Variants in C5orf15 observed in about 807,000 individuals in gnomAD.
The protein encoded by C5orf15 is keratinocyte-associated transmembrane protein 2.
C5orf15 carries 10 observed loss-of-function variants against 17.8 expected under a neutral mutation model. The observed-to-expected ratio is 0.56, with a 90% CI of 0.35 to 0.95. The LOEUF (loss-of-function observed/expected upper bound fraction) is 0.95. C5orf15 is among the 40% of genes least tolerant of loss of function. The pLI is 0.02. For synonymous variants in C5orf15, 124 were observed against 131.0 expected (o/e 0.95, Z 0.36); for missense variants, 319 against 331.7 (o/e 0.96, Z 0.30).
intron 1 of C5orf15, among the ~76,000 whole-genome samples, chr5:133,962,455 G>A (rs1016146752): frequency 1.3e-5 from 2 of 152,002 alleles, no homozygotes; most frequent in Admixed American, 6.6e-5. Flanking sequence ...CCATTCTCCC[G>A]TTCTTCTCCC....
intron 1 of C5orf15, among the ~76,000 whole-genome samples, chr5:133,960,526 T>G (rs1296490175): frequency 6.6e-6 from 1 of 152,138 alleles, no homozygotes; most frequent in African/African-American, 2.4e-5. Context: ...GCTATAGGCA[T>G]GCTGTAGATA....
intron 2 of C5orf15, 111 bp from the exon 3 acceptor site, chr5:133,957,101 A>C: frequency 1.0e-6 from 1 of 989,388 alleles, no homozygotes; most frequent in Non-Finnish European, 1.5e-6. Context: ...AAAACACAAA[A>C]TATCAACAAC....
At chr5:133,963,200 A>T (rs1752146819) in intron 1 of C5orf15, among the ~76,000 whole-genome samples, 1 of 152,224 alleles carries the variant, frequency 6.6e-6, no homozygotes, top group African/African-American at 2.4e-5. Context: ...CTCTCTTAGG[A>T]CACCAATCAC....
chr5:133,961,551 A>C (rs1256424637), intron 1 of C5orf15, among the ~76,000 whole-genome samples: 2 of 151,432 alleles, frequency 1.3e-5, no homozygotes, highest in African/African-American at 4.8e-5. Context: ...ATCTCAAAAA[A>C]AAAAAAAAAA....
intron 1 of C5orf15, among the ~76,000 whole-genome samples, chr5:133,963,416 G>C (rs1752148961): frequency 6.6e-6 from 1 of 152,068 alleles, no homozygotes; most frequent in African/African-American, 2.4e-5. Flanking sequence ...ATTCTGGCTG[G>C]CTTTCAGGAA....
At chr5:133,962,948 C>T (rs1352014378) in intron 1 of C5orf15, among the ~76,000 whole-genome samples, 7 of 152,144 alleles carry the variant, frequency 4.6e-5, no homozygotes, top group Admixed American at 4.6e-4. Flanking sequence ...ATTCCCTTCC[C>T]CCTTGTCCAC....
intron 1 of C5orf15, among the ~76,000 whole-genome samples, chr5:133,962,257 T>C (rs1034894398): frequency 5.3e-5 from 8 of 152,224 alleles, no homozygotes; most frequent in East Asian, 1.9e-4. Context: ...CCACGCAGTA[T>C]AGAATTCACA....
chr5:133,968,496 G>C lies in C5orf15; in HGVS notation c.89C>G (p.Ala30Gly). Residue 30 changes from alanine (A) to glycine (G), a missense_variant, in exon 1 of 3, where the codon GCG (alanine) becomes GGG (glycine). Physicochemically the swap from Ala to Gly is moderately conservative, Grantham distance 60 (BLOSUM62 0). This residue lies in a region of C5orf15 where 127 missense variants were observed against 95.6 expected (regional missense o/e 1.33). Coordinates refer to ENST00000231512, the MANE Select transcript of C5orf15 (RefSeq NM_020199.3). ...CAGGAGCGCCAAGACCAGCGGCCGC[G>C]CCAACCCCACAAGGGCTTGGATGGC... is the stretch of plus-strand genomic sequence containing the variant. The part of the protein sequence containing the change: ...GSAIQALVGL[A>G]RPLVLALLLV... 1 of 1,604,910 alleles carries C rather than the reference G, an allele frequency of 6.2e-7. No homozygotes were observed. The highest frequency in any genetic ancestry group is 1.7e-5 in the Admixed American group (1 of 58,874).
chr5:133,967,970 C>T (rs950082571), intron 1 of C5orf15, among the ~76,000 whole-genome samples: 1 of 152,068 alleles, frequency 6.6e-6, no homozygotes, highest in Non-Finnish European at 1.5e-5. Flanking sequence ...TTTCCTTGGT[C>T]CTGCAAGATT....
In C5orf15 at chr5:133,968,428, A is replaced by G. The variant is rs763646681; in HGVS notation, c.139+18T>C. 1.9e-6 allele frequency: 3 copies of G among 1,600,538 alleles called. No individual in the cohort carries two copies. Among genetic ancestry groups the G allele is most frequent in the Non-Finnish European group, 1.7e-6 (2 of 1,174,376 alleles). ...GCCCTCCTAGCCTTCCTAAGCCCAC[A>G]CTGCCGCCCCCCTTTACCACTGGAT... On this transcript the variant is annotated intron_variant, in intron 1 of 2. Coordinates refer to ENST00000231512, the MANE Select transcript of C5orf15 (RefSeq NM_020199.3).
Position 133,959,957 on chromosome 5 carries a change from A to T in C5orf15, c.203T>A (p.Val68Glu), listed in dbSNP as rs1454509766. The T allele has an allele frequency of 1.2e-6, 2 of 1,613,954 alleles. No individual in the cohort carries two copies. Among genetic ancestry groups the T allele is most frequent in the Non-Finnish European group, 1.7e-6 (2 of 1,179,954 alleles). The change falls in exon 2 of 3, where the codon GTG (valine) becomes GAG (glutamate). Residue 68 changes from valine to glutamate, a missense_variant. Val to Glu is a moderately radical substitution (Grantham distance 121, BLOSUM62 -2). Around this residue, in one of 3 missense-constraint regions of C5orf15, gnomAD observed 127 missense variants for 95.6 expected, o/e 1.33. Transcript: ENST00000231512. ...VLNSHISTPN[V>E]NALTHENQTK... The stretch of plus-strand genomic sequence containing the variant: ...TTGGTTTTCATGTGTTAAAGCATTC[A>T]CATTTGGGGTAGAAATATGTGAGTT...
At chr5:133,961,181 G>T (rs529411599) in intron 1 of C5orf15, among the ~76,000 whole-genome samples, 66 of 136,814 alleles carry the variant, frequency 4.8e-4, no homozygotes, top group Admixed American at 1.3e-3. Flanking sequence ...GAAATAGCTG[G>T]TGTCAATTAG....
intron 2 of C5orf15, 94 bp from the exon 3 acceptor site, chr5:133,957,084 T>C (rs1752052030): frequency 2.6e-6 from 3 of 1,132,900 alleles, no homozygotes; most frequent in Middle Eastern, 2.3e-4. Context: ...TCTAGGTTTC[T>C]AAATATAAAA....
In C5orf15 at chr5:133,955,512, G is replaced by A. The variant is rs1226637544; in HGVS notation, c.*1347C>T. The stretch of plus-strand genomic sequence containing the variant: ...ACAGAAACACACTCGTGAAATCATA[G>A]ATTTATATCTTTGCCATTTATTTTT... On this transcript the variant is annotated 3_prime_UTR_variant, in exon 3 of 3. Transcript: ENST00000231512. 1 of 152,484 alleles carries A rather than the reference G, an allele frequency of 6.6e-6. No homozygotes were observed. The highest frequency in any genetic ancestry group is 6.5e-5 in the Admixed American group (1 of 15,276). 9.4% of individuals were successfully genotyped at this position (152,484 alleles called of 1,614,324 possible).
rs1270475439 is a variant in C5orf15 at position 133,956,153 on chromosome 5, T to C, written c.*706A>G. On this transcript the variant is annotated 3_prime_UTR_variant, in exon 3 of 3. Transcript: ENST00000231512. ...ACAATCAATTGCTAACTAAAAGCAA[T>C]TGTACATGTATTTAACATTTTACCA... is the stretch of plus-strand genomic sequence containing the variant. 2.6e-5 allele frequency: 4 copies of C among 152,762 alleles called. No homozygotes were observed. The highest frequency in any genetic ancestry group is 3.9e-4 in the East Asian group (2 of 5,194). 9.5% of individuals were successfully genotyped at this position (152,762 alleles called of 1,614,324 possible). A position where few individuals can be genotyped will look rare whatever the true frequency, so the allele number is the denominator to read the frequency against.
chr5:133,958,300 G>C lies in C5orf15; in HGVS notation c.666+1194C>G, dbSNP rs555694450. On this transcript the variant is annotated intron_variant, in intron 2 of 2. Transcript: ENST00000231512. ...GACATAAAACTCTATGAGATAGCTG[G>C]GTGCAGTGGCTCATGCCTGTAATCC... Among the ~76,000 whole-genome samples, 4 of 152,148 alleles carry C rather than the reference G, an allele frequency of 2.6e-5. No individual in the cohort carries two copies. The South Asian group carries it at 8.3e-4, about 32-fold the overall frequency.
chr5:133,958,717 ATTTTC>A (rs1003725641), intron 2 of C5orf15, among the ~76,000 whole-genome samples: 1 of 151,934 alleles, frequency 6.6e-6, no homozygotes, highest in African/African-American at 2.4e-5. Context: ...AGTAGTTTAA[ATTTTC>A]TTTTCTAAAC....
intron 1 of C5orf15, among the ~76,000 whole-genome samples, chr5:133,965,170 C>T (rs903821024): frequency 3.3e-5 from 5 of 152,132 alleles, no homozygotes; most frequent in Admixed American, 6.6e-5. Flanking sequence ...AATATGCTCT[C>T]GATTCAACTC....
rs187244711 is a variant in C5orf15, at chr5:133,956,130, A to T, written c.*729T>A. On this transcript the variant is annotated 3_prime_UTR_variant, in exon 3 of 3. Transcript: ENST00000231512. The stretch of plus-strand genomic sequence containing the variant: ...GAAACCTTGGAGGAACCCATGCTAC[A>T]ATCAATTGCTAACTAAAAGCAATTG... The T allele has an allele frequency of 2.0e-5, 3 of 152,762 alleles. No individual in the cohort carries two copies. The East Asian group carries it at 5.8e-4, about 29-fold the overall frequency. 9.5% of individuals were successfully genotyped at this position (152,762 alleles called of 1,614,324 possible).
Sources: allele counts gnomAD v4.1 joint callset (sites outside exome capture counted in the v4.1 genomes callset), GRCh38; gene constraint gnomAD v4.1.1; regional missense constraint gnomAD v4.1.1; transcripts MANE v1.5; gene names NCBI Gene and HGNC (gene_info 2026-07-23, HGNC 2026-07-21).